Variants in AR observed in about 807,000 individuals in gnomAD.
The protein encoded by AR is dihydrotestosterone receptor.
In AR, 8 loss-of-function variants were observed where a neutral mutation model predicts 53.9. The ratio of observed to expected loss-of-function variants is 0.15; its 90% CI spans 0.09 to 0.27. The LOEUF (loss-of-function observed/expected upper bound fraction) is 0.27, where lower values mean the gene tolerates loss of function less well. Ranked by LOEUF, AR falls within the 10% of genes least tolerant of loss-of-function variation. The pLI is 1.00. For synonymous variants in AR, 359 were observed against 316.4 expected, an observed-to-expected ratio of 1.13 and a Z score of -1.43; for missense variants, 639 against 742.5, an observed-to-expected ratio of 0.86 and a Z score of 1.62.
At chrX:67,562,396 ATG>A (rs1226419666) in intron 1 of AR, among the ~76,000 whole-genome samples, 1 of 76,619 alleles carries the variant, frequency 1.3e-5, no homozygotes, top group Non-Finnish European at 2.6e-5. Flanking sequence ...GTGTGTGTGT[ATG>A]TGTGTGTGTT....
intron 1 of AR, among the ~76,000 whole-genome samples, chrX:67,553,553 A>G (rs758257852): frequency 2.7e-5 from 3 of 111,845 alleles, no homozygotes; most frequent in African/African-American, 6.5e-5. Context: ...TGAATTTTCA[A>G]ATGAATTGGG....
intron 2 of AR, chrX:67,680,683 G>A (rs1422764499): frequency 6.1e-6 from 2 of 329,932 alleles, no homozygotes; most frequent in Admixed American, 6.2e-5. Flanking sequence ...ACTAATAGTG[G>A]GTAACTTCTC....
intron 1 of AR, among the ~76,000 whole-genome samples, chrX:67,552,227 C>A (rs1310657129): frequency 8.9e-6 from 1 of 112,136 alleles, no homozygotes; most frequent in African/African-American, 3.2e-5. Flanking sequence ...CTACTTCTAT[C>A]TATGGATGTG....
At position 67,545,520 on chromosome X, in the gene AR, G is replaced by T; in HGVS notation, c.374G>T (p.Cys125Phe). The T allele has an allele frequency of 8.4e-7, 1 of 1,188,979 alleles. No homozygotes were observed. Among genetic ancestry groups the T allele is most frequent in the Non-Finnish European group, 1.1e-6 (1 of 884,238 alleles). ...QPSQPQSALE[C>F]HPERGCVPEP... ...TCACAGCCGCAGTCGGCCCTGGAGT[G>T]CCACCCCGAGAGAGGTTGCGTCCCA... Residue 125 changes from cysteine to phenylalanine, a missense_variant, in exon 1 of 8, where the codon TGC becomes TTC. Cys to Phe is a radical substitution (Grantham distance 205). This residue lies in a region of AR where 423 missense variants were observed against 377.0 expected (regional missense o/e 1.12). Transcript: ENST00000374690.
At chrX:67,663,052 C>T (rs1927029899) in intron 2 of AR, among the ~76,000 whole-genome samples, 1 of 111,668 alleles carries the variant, frequency 9.0e-6, no homozygotes. Context: ...GAATACAGCA[C>T]ACTGATGGGT....
At chrX:67,632,527 T>C (rs1925209216) in intron 1 of AR, among the ~76,000 whole-genome samples, 1 of 112,181 alleles carries the variant, frequency 8.9e-6, no homozygotes, top group Non-Finnish European at 1.9e-5. Flanking sequence ...CCCACTGACC[T>C]GCGCCCACTG....
At chrX:67,675,241 G>T (rs2075892687) in intron 2 of AR, among the ~76,000 whole-genome samples, 1 of 108,152 alleles carries the variant, frequency 9.2e-6, no homozygotes, top group Admixed American at 1.0e-4. Flanking sequence ...CCTGGAGTTG[G>T]GAGCTGCATT....
intron 3 of AR, chrX:67,696,142 T>TC (rs997710218): frequency 3.2e-5 from 24 of 743,168 alleles, no homozygotes; most frequent in Non-Finnish European, 3.8e-5. Context: ...CTTTTTTCTT[T>TC]TTTTTTTTTC....
At chrX:67,553,437 G>A (rs563115987) in intron 1 of AR, among the ~76,000 whole-genome samples, 39 of 111,930 alleles carry the variant, frequency 3.5e-4, no homozygotes, top group African/African-American at 9.7e-4. Flanking sequence ...CCGGTACCAC[G>A]TTATCTTGAT....
rs1035736541 is a variant in AR, at chrX:67,642,185, G to A, written c.1617-1071G>A. ...ATATAGCAGTTGTGCTCTTGTGAAT[G>A]ATAGCATGGGCAGTTGTCATCTCCC... On this transcript the variant is annotated intron_variant, in intron 1 of 7. Coordinates refer to ENST00000374690, the MANE Select transcript of AR (RefSeq NM_000044.6). Among the ~76,000 whole-genome samples the A allele has an allele frequency of 1.5e-3, 164 of 111,940 alleles. 1 individual carries two copies. Among genetic ancestry groups the A allele is most frequent in the Non-Finnish European group, 3.9e-4 (21 of 53,189 alleles).
chrX:67,595,179 G>A (rs1016915388), intron 1 of AR, among the ~76,000 whole-genome samples: 2 of 111,149 alleles, frequency 1.8e-5, no homozygotes, highest in Non-Finnish European at 3.8e-5. Flanking sequence ...GTTACTTGAA[G>A]TCTTAGCTTG....
intron 5 of AR, among the ~76,000 whole-genome samples, chrX:67,720,443 G>A (rs985893424): frequency 9.9e-5 from 11 of 111,554 alleles, no homozygotes; most frequent in African/African-American, 3.3e-4. Context: ...TAAAAAGATT[G>A]CAGCATTGTC....
chrX:67,691,770 A>T (rs1014686985), intron 3 of AR, among the ~76,000 whole-genome samples: 1 of 111,703 alleles, frequency 9.0e-6, no homozygotes, highest in African/African-American at 3.3e-5. Flanking sequence ...GCATAAGATT[A>T]TGCTATTATG....
intron 3 of AR, among the ~76,000 whole-genome samples, chrX:67,711,021 G>A (rs758377699): frequency 8.9e-6 from 1 of 112,137 alleles, no homozygotes; most frequent in Non-Finnish European, 1.9e-5. Context: ...AGAAGCAAAG[G>A]TCTAACAATG....
At chrX:67,556,254 A>AAT (rs1470510395) in intron 1 of AR, among the ~76,000 whole-genome samples, 1 of 112,033 alleles carries the variant, frequency 8.9e-6, no homozygotes, top group Non-Finnish European at 1.9e-5. Context: ...ACTGATCTGG[A>AAT]ATTTCAGTCC....
chrX:67,662,097 T>A (rs1427511504), intron 2 of AR, among the ~76,000 whole-genome samples: 1 of 111,898 alleles, frequency 8.9e-6, no homozygotes, highest in Non-Finnish European at 1.9e-5. Context: ...TCTTTATTAG[T>A]CTTGCTAGTG....
intron 3 of AR, among the ~76,000 whole-genome samples, chrX:67,704,095 A>G (rs1323107181): frequency 8.9e-6 from 1 of 111,970 alleles, no homozygotes; most frequent in Middle Eastern, 4.6e-3. Flanking sequence ...GAATAGTGCC[A>G]CAATAAACAT....
rs376274899 is a variant in AR, at chrX:67,587,660, T to C, written c.1616+40898T>C. On this transcript the variant is annotated intron_variant, in intron 1 of 7. Coordinates refer to ENST00000374690, the MANE Select transcript of AR (RefSeq NM_000044.6). ...TTCTGGAAAGGCTACCTTTCCAGAA[T>C]GAAATGAAAAAAGAAAAGGATGGAC... Among the ~76,000 whole-genome samples, 61 of 111,610 alleles carry C rather than the reference T, an allele frequency of 5.5e-4. 1 individual carries two copies. In the East Asian group the frequency reaches 0.014, roughly 26 times the overall value.
intron 1 of AR, among the ~76,000 whole-genome samples, chrX:67,550,438 T>G: frequency 9.0e-6 from 1 of 110,985 alleles, no homozygotes; most frequent in East Asian, 2.8e-4. Context: ...TCCTTATGCG[T>G]ATATGCACTG....
Sources: gnomAD v4.1 joint callset for allele counts (sites outside exome capture counted in the v4.1 genomes callset) on GRCh38, gnomAD v4.1.1 for gene constraint, gnomAD v4.1.1 regional missense constraint, MANE v1.5 for transcripts, NCBI Gene and HGNC (gene_info 2026-07-23, HGNC 2026-07-21) for gene names.